The following IPO11 variants were observed in gnomAD, a reference collection of about 807,000 sequenced individuals.
The protein encoded by IPO11 is importin 11.
IPO11 carries 66 observed loss-of-function variants against 143.2 expected under a neutral mutation model. The ratio of observed to expected loss-of-function variants is 0.46; its 90% CI spans 0.38 to 0.57. The LOEUF is 0.57. IPO11 is among the 20% of genes least tolerant of loss of function. The pLI is 0.00. For synonymous variants in IPO11, 385 were observed against 377.8 expected (o/e 1.02, Z -0.22); for missense variants, 1,026 against 1,141.0 (o/e 0.90, Z 1.45).
At chr5:62,623,054 TAGG>T (rs1346127313) in intron 29 of IPO11, among the ~76,000 whole-genome samples, 1 of 152,228 alleles carries the variant, frequency 6.6e-6, no homozygotes, top group Admixed American at 6.5e-5. Flanking sequence ...GCCACAGAGT[TAGG>T]AGAGTTTATA....
At chr5:62,540,143 A>G (rs1232986400) in intron 24 of IPO11, among the ~76,000 whole-genome samples, 3 of 152,222 alleles carry the variant, frequency 2.0e-5, no homozygotes, top group African/African-American at 7.2e-5. Flanking sequence ...CAAGGAATCC[A>G]TAATTTTTAT....
chr5:62,478,468 G>A (rs1374095376), intron 9 of IPO11, among the ~76,000 whole-genome samples: 1 of 151,976 alleles, frequency 6.6e-6, no homozygotes, highest in African/African-American at 2.4e-5. Flanking sequence ...CACCTGGCCT[G>A]TTTTATTTTT....
At chr5:62,615,415 G>A (rs910426180) in intron 29 of IPO11, among the ~76,000 whole-genome samples, 2 of 152,208 alleles carry the variant, frequency 1.3e-5, no homozygotes, top group African/African-American at 4.8e-5. Context: ...AGCAGTTGCA[G>A]GAGTATCATT....
intron 26 of IPO11, among the ~76,000 whole-genome samples, chr5:62,553,834 C>A (rs1369864708): frequency 6.6e-6 from 1 of 152,074 alleles, no homozygotes; most frequent in Non-Finnish European, 1.5e-5. Context: ...CTTACTGCAA[C>A]CTCTGCCTCC....
At chr5:62,427,495 C>T (rs1205970161) in intron 1 of IPO11, among the ~76,000 whole-genome samples, 1 of 152,198 alleles carries the variant, frequency 6.6e-6, no homozygotes, top group Non-Finnish European at 1.5e-5. Flanking sequence ...CAGTATCAGT[C>T]AGTCCGTGGC....
At chr5:62,456,065 G>T (rs1561318392) in intron 5 of IPO11, among the ~76,000 whole-genome samples, 1 of 151,640 alleles carries the variant, frequency 6.6e-6, no homozygotes, top group Non-Finnish European at 1.5e-5. Flanking sequence ...GTCTCGCTTT[G>T]TTGCCCAGAC....
At chr5:62,484,735 C>T (rs1479189193) in intron 11 of IPO11, among the ~76,000 whole-genome samples, 1 of 151,834 alleles carries the variant, frequency 6.6e-6, no homozygotes, top group East Asian at 1.9e-4. Flanking sequence ...TTTTAGCCTC[C>T]CTTTTCTCTT....
At chr5:62,453,313 G>A (rs1745010738) in intron 5 of IPO11, among the ~76,000 whole-genome samples, 1 of 150,926 alleles carries the variant, frequency 6.6e-6, no homozygotes. Flanking sequence ...TCTGACTTTT[G>A]CTCTGGTCTC....
At chr5:62,547,170 AAAAG>A (rs1743233161) in intron 24 of IPO11, among the ~76,000 whole-genome samples, 2 of 152,174 alleles carry the variant, frequency 1.3e-5, no homozygotes, top group South Asian at 4.1e-4. Context: ...ACGTTACAAA[AAAAG>A]TAAGTTTGTA....
At chr5:62,574,720 G>A (rs573476960) in intron 27 of IPO11, among the ~76,000 whole-genome samples, 2 of 152,258 alleles carry the variant, frequency 1.3e-5, no homozygotes, top group Admixed American at 6.5e-5. Context: ...AATGAGGATG[G>A]TACCTAAAAT....
At chr5:62,467,673 C>G (rs1179888177) in intron 6 of IPO11, among the ~76,000 whole-genome samples, 5 of 152,116 alleles carry the variant, frequency 3.3e-5, no homozygotes, top group Admixed American at 3.3e-4. Flanking sequence ...AAAGGCAAGC[C>G]TCCATCTTTC....
At chr5:62,598,391 GCTTTCTTTCTTTCTTTCTTT>G (rs1214176867) in intron 28 of IPO11, among the ~76,000 whole-genome samples, 1 of 36,504 alleles carries the variant, frequency 2.7e-5, no homozygotes, top group East Asian at 1.1e-3. Flanking sequence ...TTGCTTGCTT[GCTTTCTTTCTTTCTTTCTTT>G]CTTTCTTTCT....
rs1314627756 is a variant in IPO11, at chr5:62,579,642, T to C, written c.2583-11935T>C. On this transcript the variant is annotated intron_variant, in intron 27 of 29. Coordinates refer to ENST00000325324, the MANE Select transcript of IPO11 (RefSeq NM_016338.5). Reference sequence around the variant, plus strand: ...AAAGTACAGTTTTTCTGTATCTGACTGGGAATAATATATCTTATATAAATG... The same window carrying C: ...AAAGTACAGTTTTTCTGTATCTGACCGGGAATAATATATCTTATATAAATG... 1.9e-6 allele frequency: 3 copies of C among 1,549,366 alleles called. No individual in the cohort carries two copies. In the Admixed American group the frequency reaches 5.9e-5, roughly 31 times the overall value.
chr5:62,499,355 A>G lies in IPO11; in HGVS notation c.1590+5231A>G, dbSNP rs143513838. Among the ~76,000 whole-genome samples the G allele has an allele frequency of 2.6e-4, 40 of 152,318 alleles. No individual in the cohort carries two copies. In the East Asian group the frequency reaches 6.4e-3, roughly 24 times the overall value. On this transcript the variant is annotated intron_variant, in intron 16 of 29. Coordinates refer to ENST00000325324, the MANE Select transcript of IPO11 (RefSeq NM_016338.5). ...AAGAATATAATATAAAAGATAAAAA[A>G]CGTTACACCTCTATAGGGCGCTTAA... is the stretch of plus-strand genomic sequence containing the variant.
At chr5:62,435,146 A>G (rs1311414073) in intron 1 of IPO11, among the ~76,000 whole-genome samples, 1 of 95,838 alleles carries the variant, frequency 1.0e-5, no homozygotes, top group Admixed American at 1.1e-4. Flanking sequence ...GTATATATGT[A>G]TATATGTATA....
Position 62,429,774 on chromosome 5 carries a change from C to T in IPO11, c.-6-7500C>T, listed in dbSNP as rs575107421. On this transcript the variant is annotated intron_variant, in intron 1 of 29. Transcript: ENST00000325324. ...GAGTAGCTGGGACTATAGGCATGTG[C>T]CACCACACCCAGCTAATTTTTTGTA... Among the ~76,000 whole-genome samples, 116 of 152,248 alleles carry T rather than the reference C, an allele frequency of 7.6e-4. No individual in the cohort carries two copies. In the Middle Eastern group the frequency reaches 0.01, roughly 13 times the overall value.
At chr5:62,569,025 G>C (rs909024407) in intron 27 of IPO11, among the ~76,000 whole-genome samples, 1 of 152,154 alleles carries the variant, frequency 6.6e-6, no homozygotes, top group African/African-American at 2.4e-5. Flanking sequence ...AGAATTCCTA[G>C]GGTTCCCAGG....
At chr5:62,420,452 A>C (rs367844012) in intron 1 of IPO11, among the ~76,000 whole-genome samples, 2 of 152,324 alleles carry the variant, frequency 1.3e-5, no homozygotes, top group African/African-American at 4.8e-5. Flanking sequence ...ATCACCACTA[A>C]CGTGTGAGTA....
chr5:62,590,752 G>A (rs1410223764), intron 27 of IPO11, among the ~76,000 whole-genome samples: 1 of 152,030 alleles, frequency 6.6e-6, no homozygotes, highest in Non-Finnish European at 1.5e-5. Flanking sequence ...CCTCCTTAAT[G>A]TATAAAAATT....
Sources: allele counts gnomAD v4.1 joint callset (sites outside exome capture counted in the v4.1 genomes callset), GRCh38; gene constraint gnomAD v4.1.1; transcripts MANE v1.5; gene names NCBI Gene and HGNC (gene_info 2026-07-23, HGNC 2026-07-21).